The following RNF138 variants were observed in gnomAD, a reference collection of about 807,000 sequenced individuals.
RNF138 encodes the protein E3 ubiquitin-protein ligase RNF138.
In RNF138, 12 loss-of-function variants were observed where a neutral mutation model predicts 31.0. The ratio of observed to expected loss-of-function variants is 0.39; its 90% CI spans 0.25 to 0.63. The LOEUF (loss-of-function observed/expected upper bound fraction) is 0.63, where lower values mean the gene tolerates loss of function less well. RNF138 is among the 20% of genes least tolerant of loss of function. The probability of loss-of-function intolerance (pLI) is 0.52; values close to 1 mark genes in which losing one functional copy is unlikely to be tolerated. For missense variants in RNF138, 192 were observed against 300.1 expected, an observed-to-expected ratio of 0.64 and a Z score of 2.66; for synonymous variants, 105 against 99.5, an observed-to-expected ratio of 1.06 and a Z score of -0.33.
chr18:32,097,944 ATGTGTGTGTGTGTG>A (rs34814991), intron 2 of RNF138, among the ~76,000 whole-genome samples: 120 of 87,386 alleles, frequency 1.4e-3, no homozygotes, highest in Non-Finnish European at 3.7e-4. Context: ...GTATGTATAT[ATGTGTGTGTGTGTG>A]TGTGTGTGTG....
chr18:32,093,282 C>G (rs1198418098), intron 2 of RNF138, among the ~76,000 whole-genome samples: 5 of 152,074 alleles, frequency 3.3e-5, no homozygotes, highest in Non-Finnish European at 1.5e-5. Flanking sequence ...TCTTAGCAAC[C>G]CGGGTGAAGG....
At chr18:32,099,769 A>G (rs1228248510) in intron 2 of RNF138, among the ~76,000 whole-genome samples, 1 of 152,214 alleles carries the variant, frequency 6.6e-6, no homozygotes, top group African/African-American at 2.4e-5. Flanking sequence ...AATTTGACCA[A>G]TGTCAGTTTC....
intron 5 of RNF138, 124 bp downstream of exon 5, chr18:32,123,698 G>GC: frequency 1.7e-6 from 1 of 593,698 alleles, no homozygotes; most frequent in Non-Finnish European, 2.7e-6. Context: ...GTTTTCCCAG[G>GC]CTGGAGTGCA....
rs201468470 is a variant in RNF138, at chr18:32,126,651, T to C, written c.562-42T>C. 133 of 1,163,590 alleles carry C rather than the reference T, an allele frequency of 1.1e-4. 1 individual carries two copies. The East Asian group carries it at 2.9e-3, about 26-fold the overall frequency. 72.1% of individuals were successfully genotyped at this position (1,163,590 alleles called of 1,614,324 possible). On this transcript the variant is annotated intron_variant, in intron 6 of 7. Transcript: ENST00000261593. ...TACTGTCAATTGTATAATATTTCAT[T>C]GTTTTTATTATTTTTTGTTTAAAAC...
rs2144314313 is a variant in RNF138, at chr18:32,131,360, A to C, written c.*2173A>C. 1 of 124,102 alleles carries C rather than the reference A, an allele frequency of 8.1e-6. No individual in the cohort carries two copies. The highest frequency in any genetic ancestry group is 3.0e-5 in the African/African-American group (1 of 33,398). 7.7% of individuals were successfully genotyped at this position (124,102 alleles called of 1,614,324 possible). On this transcript the variant is annotated 3_prime_UTR_variant, in exon 8 of 8. Coordinates refer to ENST00000261593, the MANE Select transcript of RNF138 (RefSeq NM_016271.5). ...TAGACTTTACAGATTTATGGAAATTAAATTTATGGGGAAAAGTTTATTTTT... is the reference window on the plus strand; with the variant it reads ...TAGACTTTACAGATTTATGGAAATTCAATTTATGGGGAAAAGTTTATTTTT...
chr18:32,102,393 G>A lies in RNF138; in HGVS notation c.111-9361G>A, dbSNP rs578157892. On this transcript the variant is annotated intron_variant, in intron 2 of 7. Transcript: ENST00000261593. ...ATTTTTTGTATTTTTAGTAGAGATG[G>A]GGTTTCACCATGTTAGCTGGGATGG... 4.0e-5 allele frequency among the ~76,000 whole-genome samples: 6 copies of A among 151,256 alleles called. No individual in the cohort carries two copies. The East Asian group carries it at 1.2e-3, about 30-fold the overall frequency.
intron 2 of RNF138, among the ~76,000 whole-genome samples, chr18:32,102,664 C>T (rs2144577288): frequency 6.6e-6 from 1 of 150,810 alleles, no homozygotes; most frequent in African/African-American, 2.4e-5. Context: ...AAATAGTCTC[C>T]TTCCGTTGCC....
chr18:32,094,700 A>G (rs2039773574), intron 2 of RNF138, among the ~76,000 whole-genome samples: 1 of 152,154 alleles, frequency 6.6e-6, no homozygotes, highest in Admixed American at 6.5e-5. Flanking sequence ...ATTTAAAAAA[A>G]ATTTAAGTGC....
Position 32,092,833 on chromosome 18 carries a change from C to A in RNF138, c.57C>A (p.Pro19=). 6.2e-7 allele frequency: 1 copy of A among 1,600,408 alleles called. No homozygotes were observed. The highest frequency in any genetic ancestry group is 1.3e-5 in the African/African-American group (1 of 74,672). The part of the protein sequence containing the change: ...TSYTEDDFYC[P]VCQEVLKTPV... ...ACACCGAAGATGATTTCTACTGCCCCGTCTGTCAGGAGGTGCTCAAAACGC... is the reference window on the plus strand; with the variant it reads ...ACACCGAAGATGATTTCTACTGCCCAGTCTGTCAGGAGGTGCTCAAAACGC... The change falls in exon 2 of 8, where the codon CCC becomes CCA. Residue 19 remains proline, a synonymous_variant. Transcript: ENST00000261593.
intron 2 of RNF138, among the ~76,000 whole-genome samples, chr18:32,094,052 A>C (rs1159881435): frequency 6.6e-6 from 1 of 152,088 alleles, no homozygotes; most frequent in East Asian, 1.9e-4. Flanking sequence ...CGGCCTCCCA[A>C]AGTGCTGGGA....
In RNF138 at chr18:32,092,686, C is replaced by T. The variant is rs569481844; in HGVS notation, c.-77-14C>T. On this transcript the variant is annotated splice_polypyrimidine_tract_variant and intron_variant, in intron 1 of 7. Coordinates refer to ENST00000261593, the MANE Select transcript of RNF138 (RefSeq NM_016271.5). Reference sequence around the variant, plus strand: ...TCCTGATGCGATCCCCCTCCCCCCTCCGGGTTCATGTAGGGAGTCGGGCCC... The same window carrying T: ...TCCTGATGCGATCCCCCTCCCCCCTTCGGGTTCATGTAGGGAGTCGGGCCC... 4.1e-5 allele frequency: 31 copies of T among 750,316 alleles called. No individual in the cohort carries two copies. The African/African-American group carries it at 5.0e-4, about 12-fold the overall frequency. 46.5% of individuals were successfully genotyped at this position (750,316 alleles called of 1,614,324 possible).
chr18:32,103,699 C>T (rs770563806), intron 2 of RNF138, among the ~76,000 whole-genome samples: 2 of 152,112 alleles, frequency 1.3e-5, no homozygotes, highest in Non-Finnish European at 2.9e-5. Flanking sequence ...TGTGGTGGCT[C>T]ACGCCTGTAA....
At chr18:32,126,612 C>CTG in intron 6 of RNF138, 81 bp from the exon 7 acceptor site, 1 of 837,768 alleles carries the variant, frequency 1.2e-6, no homozygotes, top group South Asian at 1.8e-5. Flanking sequence ...TAACATATCC[C>CTG]TGTGTTATTT....
Position 32,111,839 on chromosome 18 carries a change from A to G in RNF138, c.196A>G (p.Arg66Gly). 10 of 1,614,008 alleles carry G rather than the reference A, an allele frequency of 6.2e-6. No individual in the cohort carries two copies. The highest frequency in any genetic ancestry group is 8.5e-6 in the Non-Finnish European group (10 of 1,179,920). The change falls in exon 3 of 8, where the codon AGA becomes GGA. Residue 66 changes from arginine (R) to glycine (G), a missense_variant. Coordinates refer to ENST00000261593, the MANE Select transcript of RNF138 (RefSeq NM_016271.5). ...LCRGNVTRRE[R>G]ACPERALDLE... is the part of the protein sequence containing the mutation. ...TCGTGGAAATGTGACTAGAAGAGAG[A>G]GAGCATGTCCTGAACGGGCCTTAGA...
At chr18:32,107,031 C>T (rs1226759604) in intron 2 of RNF138, among the ~76,000 whole-genome samples, 1 of 150,304 alleles carries the variant, frequency 6.7e-6, no homozygotes, top group Non-Finnish European at 1.5e-5. Context: ...ATAATTTTCT[C>T]TTTCTGTCTC....
rs747736592 is a variant in RNF138, at chr18:32,113,752, T to A, written c.284T>A (p.Phe95Tyr). 1.1e-5 allele frequency: 15 copies of A among 1,372,788 alleles called. No homozygotes were observed. The highest frequency in any genetic ancestry group is 1.5e-5 in the Non-Finnish European group (15 of 1,005,448). The allele number at this position is 1,372,788 out of a possible 1,614,324, so 85.0% of individuals were successfully genotyped here. A position where few individuals can be genotyped will look rare whatever the true frequency, so the allele number is the denominator to read the frequency against. The change falls in exon 4 of 8, where the codon TTC becomes TAC. Residue 95 changes from phenylalanine (F) to tyrosine (Y), a missense_variant. Phe to Tyr is a conservative substitution (Grantham distance 22). Coordinates refer to ENST00000261593, the MANE Select transcript of RNF138 (RefSeq NM_016271.5). ...SCRCCAKQIKFYRMRHHYKSC... is the reference protein window; with the variant it reads ...SCRCCAKQIKYYRMRHHYKSC... ...CATTTTAATAATTTACAGATTAAAT[T>A]CTATCGCATGAGACATCATTACAAA...
chr18:32,115,380 C>T (rs964591024), intron 4 of RNF138, among the ~76,000 whole-genome samples: 1 of 152,116 alleles, frequency 6.6e-6, no homozygotes, highest in South Asian at 2.1e-4. Context: ...TGATAATAGC[C>T]TTTTTAGCTG....
rs550378502 is a variant in RNF138 at position 32,127,273 on chromosome 18, AAG to A, written c.669+476_669+477del. 1.3e-3 allele frequency among the ~76,000 whole-genome samples: 196 copies of A among 152,338 alleles called. 1 individual carries two copies. Among genetic ancestry groups the A allele is most frequent in the African/African-American group, 4.4e-3 (183 of 41,596 alleles). On this transcript the variant is annotated intron_variant, in intron 7 of 7. Transcript: ENST00000261593. ...GGCAAAGCCAGGTTACAAAGAGACTAAGAGTGTAAGAGAAGTTATATAATGTA... is the reference window on the plus strand; with the variant it reads ...GGCAAAGCCAGGTTACAAAGAGACTAAGTGTAAGAGAAGTTATATAATGTA...
At chr18:32,097,687 G>GT (rs959230586) in intron 2 of RNF138, among the ~76,000 whole-genome samples, 11 of 151,436 alleles carry the variant, frequency 7.3e-5, no homozygotes, top group African/African-American at 1.9e-4. Flanking sequence ...TTTGTTTTTT[G>GT]TTTTTTTGTA....
Sources: allele counts gnomAD v4.1 joint callset (sites outside exome capture counted in the v4.1 genomes callset), GRCh38; gene constraint gnomAD v4.1.1; transcripts MANE v1.5; gene names NCBI Gene and HGNC (gene_info 2026-07-23, HGNC 2026-07-21).